TRHDE: variants seen among roughly 807,000 people sequenced by gnomAD.
TRHDE encodes the protein thyrotropin-releasing hormone-degrading ectoenzyme.
TRHDE carries 72 observed loss-of-function variants against 125.7 expected under a neutral mutation model. The observed-to-expected ratio is 0.57, with a 90% CI of 0.47 to 0.70. The LOEUF (loss-of-function observed/expected upper bound fraction) is 0.70. Ranked by LOEUF, TRHDE falls within the 30% of genes least tolerant of loss-of-function variation. TRHDE has a pLI of 0.00. For missense variants in TRHDE, 1,110 were observed against 1,327.1 expected, an observed-to-expected ratio of 0.84 and a Z score of 2.54; for synonymous variants, 509 against 509.1, an observed-to-expected ratio of 1.00 and a Z score of 0.00.
At chr12:72,310,747 G>A (rs897107900) in intron 2 of TRHDE, among the ~76,000 whole-genome samples, 10 of 152,114 alleles carry the variant, frequency 6.6e-5, no homozygotes, top group African/African-American at 2.2e-4. Context: ...TGCTTCCCTC[G>A]TGGATCTATT....
At chr12:72,486,974 C>A (rs1877440769) in intron 5 of TRHDE, among the ~76,000 whole-genome samples, 1 of 151,772 alleles carries the variant, frequency 6.6e-6, no homozygotes, top group Non-Finnish European at 1.5e-5. Flanking sequence ...TAAAAAGAAA[C>A]AAATCAAATT....
chr12:72,372,857 T>G (rs919313131), intron 2 of TRHDE, among the ~76,000 whole-genome samples: 3 of 152,226 alleles, frequency 2.0e-5, no homozygotes, highest in Admixed American at 1.3e-4. Context: ...GGCTTAGGAT[T>G]GACTTGGCGA....
intron 15 of TRHDE, among the ~76,000 whole-genome samples, chr12:72,645,620 A>G (rs7299196): frequency 0.15 from 22,726 of 151,962 alleles, 2,316 homozygotes; most frequent in East Asian, 0.54. Flanking sequence ...GAAGCAAAAA[A>G]CCCAAACACC....
chr12:72,603,031 C>T (rs1257187535), intron 12 of TRHDE, among the ~76,000 whole-genome samples: 1 of 152,102 alleles, frequency 6.6e-6, no homozygotes, highest in Non-Finnish European at 1.5e-5. Flanking sequence ...CAAGCAAAAG[C>T]TTCAAATATA....
At chr12:72,251,567 G>T (rs2139387278) in intron 2 of TRHDE, among the ~76,000 whole-genome samples, 1 of 151,858 alleles carries the variant, frequency 6.6e-6, no homozygotes, top group African/African-American at 2.4e-5. Context: ...ATTCACCCAT[G>T]GTAGGACACC....
At chr12:72,525,156 T>G (rs976523843) in intron 6 of TRHDE, among the ~76,000 whole-genome samples, 2 of 152,160 alleles carry the variant, frequency 1.3e-5, no homozygotes, top group East Asian at 1.9e-4. Context: ...CAAATTACCC[T>G]GTGAACAAAA....
intron 3 of TRHDE, among the ~76,000 whole-genome samples, chr12:72,436,783 T>C (rs556460472): frequency 2.0e-5 from 3 of 151,964 alleles, no homozygotes; most frequent in African/African-American, 7.2e-5. Context: ...TTTGGTGCTT[T>C]CCAGGAAACA....
intron 2 of TRHDE, among the ~76,000 whole-genome samples, chr12:72,195,309 C>T (rs1877419745): frequency 6.6e-6 from 1 of 152,126 alleles, no homozygotes; most frequent in Non-Finnish European, 1.5e-5. Flanking sequence ...GTTTTAAATT[C>T]TTTAAGAAAT....
intron 15 of TRHDE, among the ~76,000 whole-genome samples, chr12:72,632,499 T>C (rs1319276662): frequency 1.3e-5 from 2 of 151,926 alleles, no homozygotes; most frequent in African/African-American, 4.8e-5. Flanking sequence ...TCTACTACAA[T>C]TGTATACCTC....
At chr12:72,453,143 T>G (rs1875662977) in intron 3 of TRHDE, among the ~76,000 whole-genome samples, 1 of 152,142 alleles carries the variant, frequency 6.6e-6, no homozygotes, top group South Asian at 2.1e-4. Context: ...TATGGAATTT[T>G]TAAGAGACTG....
chr12:72,553,636 C>T (rs1284554736), intron 7 of TRHDE, among the ~76,000 whole-genome samples: 1 of 152,038 alleles, frequency 6.6e-6, no homozygotes, highest in African/African-American at 2.4e-5. Flanking sequence ...AAACCCATTA[C>T]TTTCCTGTAT....
intron 6 of TRHDE, among the ~76,000 whole-genome samples, chr12:72,533,639 G>A (rs904901311): frequency 3.4e-5 from 5 of 146,574 alleles, no homozygotes; most frequent in Admixed American, 6.8e-5. Flanking sequence ...TTTCTTTCTC[G>A]GAGCTTTGCT....
At chr12:72,198,887 G>A (rs559999943) in intron 2 of TRHDE, among the ~76,000 whole-genome samples, 1 of 151,978 alleles carries the variant, frequency 6.6e-6, no homozygotes, top group Admixed American at 6.6e-5. Context: ...TACAATCATG[G>A]CAGAAGGTGA....
chr12:72,419,861 AG>A (rs1208325750), intron 3 of TRHDE, among the ~76,000 whole-genome samples: 6 of 152,340 alleles, frequency 3.9e-5, no homozygotes, highest in African/African-American at 7.2e-5. Flanking sequence ...TCCCAAACCA[AG>A]ATGAATTGTA....
chr12:72,226,914 C>G (rs1486751979), intron 2 of TRHDE, among the ~76,000 whole-genome samples: 1 of 152,102 alleles, frequency 6.6e-6, no homozygotes, highest in Admixed American at 6.5e-5. Context: ...TACTTGAACT[C>G]AATAGGCTGA....
chr12:72,093,636 CGTT>C (rs767010041), intron 1 of TRHDE, among the ~76,000 whole-genome samples: 11 of 152,000 alleles, frequency 7.2e-5, no homozygotes, highest in Non-Finnish European at 1.3e-4. Context: ...TCACTTCTGT[CGTT>C]GTGTTCTTCA....
At chr12:72,344,103 G>T (rs1870207155) in intron 2 of TRHDE, among the ~76,000 whole-genome samples, 1 of 151,970 alleles carries the variant, frequency 6.6e-6, no homozygotes, top group African/African-American at 2.4e-5. Flanking sequence ...AATAATCACT[G>T]TATTGGAATT....
intron 2 of TRHDE, among the ~76,000 whole-genome samples, chr12:72,328,624 T>C (rs1216943061): frequency 6.6e-6 from 1 of 152,168 alleles, no homozygotes; most frequent in Non-Finnish European, 1.5e-5. Context: ...TGCCATATTA[T>C]ATTTTAGAGA....
At chr12:72,354,739 A>G (rs981707223) in intron 2 of TRHDE, among the ~76,000 whole-genome samples, 2 of 149,018 alleles carry the variant, frequency 1.3e-5, no homozygotes, top group Middle Eastern at 3.6e-3. Flanking sequence ...TACATAAAAT[A>G]TATATAATAT....
Sources: allele counts gnomAD v4.1 joint callset (sites outside exome capture counted in the v4.1 genomes callset), GRCh38; gene constraint gnomAD v4.1.1; transcripts MANE v1.5; gene names NCBI Gene and HGNC (gene_info 2026-07-23, HGNC 2026-07-21).